The following MLLT3 variants were observed in gnomAD, a reference collection of about 807,000 sequenced individuals.
The protein encoded by MLLT3 is MLLT3 super elongation complex subunit, also known as protein AF-9.
Under a neutral mutation model 53.2 loss-of-function variants are expected in MLLT3, and 4 were observed. The ratio of observed to expected loss-of-function variants is 0.08; its 90% CI spans 0.04 to 0.17. MLLT3 has a LOEUF of 0.17. Among genes scored for constraint, MLLT3 ranks in the 10% least tolerant of loss-of-function variants. The pLI, the probability that MLLT3 is intolerant of heterozygous loss-of-function variation, is 1.00. For missense variants in MLLT3, 569 were observed against 684.0 expected (o/e 0.83, Z 1.87); for synonymous variants, 283 against 230.6 (o/e 1.23, Z -2.06).
intron 2 of MLLT3, among the ~76,000 whole-genome samples, chr9:20,553,246 A>T (rs1460287328): frequency 1.3e-5 from 2 of 152,222 alleles, no homozygotes; most frequent in African/African-American, 4.8e-5. Context: ...ACTGTAGAAA[A>T]CAGTTTCACA....
chr9:20,566,298 A>C (rs888808237), intron 2 of MLLT3, among the ~76,000 whole-genome samples: 2 of 151,514 alleles, frequency 1.3e-5, no homozygotes, highest in African/African-American at 4.9e-5. Context: ...GTGAGACTCC[A>C]TCTCAAAAAA....
intron 2 of MLLT3, among the ~76,000 whole-genome samples, chr9:20,522,306 T>A (rs1337542774): frequency 2.0e-5 from 3 of 151,650 alleles, no homozygotes; most frequent in African/African-American, 7.3e-5. Context: ...AAAAGAATTT[T>A]AAAAATTAAA....
rs1192754939 is a variant in MLLT3, at chr9:20,464,099, C to A, written c.194-7313G>T. ...CAGAAAAAACAAACCTTGGGACAGC[C>A]CTCTGGCATCAAAATTTTACCCAGG... is the stretch of plus-strand genomic sequence containing the variant. On this transcript the variant is annotated intron_variant, in intron 2 of 10. Transcript: ENST00000380338. Among the ~76,000 whole-genome samples the A allele has an allele frequency of 4.0e-5, 6 of 151,810 alleles. No homozygotes were observed. In the East Asian group the frequency reaches 1.2e-3, roughly 29 times the overall value.
At chr9:20,452,464 G>A (rs969934009) in intron 3 of MLLT3, among the ~76,000 whole-genome samples, 4 of 152,164 alleles carry the variant, frequency 2.6e-5, no homozygotes, top group Admixed American at 6.5e-5. Context: ...CAGCCATGCA[G>A]AACTGTGAGT....
intron 2 of MLLT3, among the ~76,000 whole-genome samples, chr9:20,551,257 T>C (rs1818919489): frequency 6.6e-6 from 1 of 152,358 alleles, no homozygotes; most frequent in Middle Eastern, 3.4e-3. Flanking sequence ...CCTGGTTTAA[T>C]TTCTCAAGTA....
intron 5 of MLLT3, among the ~76,000 whole-genome samples, chr9:20,369,782 GTTATATGAAGATCT>G (rs1427440367): frequency 6.6e-6 from 1 of 152,108 alleles, no homozygotes; most frequent in Non-Finnish European, 1.5e-5. Flanking sequence ...CATCAACAGG[GTTATATGAAGATCT>G]TTATATGAAG....
intron 2 of MLLT3, among the ~76,000 whole-genome samples, chr9:20,465,926 T>C (rs1353062200): frequency 2.6e-5 from 4 of 152,122 alleles, no homozygotes; most frequent in Non-Finnish European, 5.9e-5. Flanking sequence ...GCTGACAATC[T>C]TTCAATCTTC....
intron 2 of MLLT3, among the ~76,000 whole-genome samples, chr9:20,507,155 T>G (rs1563792284): frequency 6.6e-6 from 1 of 152,222 alleles, no homozygotes; most frequent in Non-Finnish European, 1.5e-5. Context: ...AACATCACTT[T>G]AGCAGTTAAT....
intron 4 of MLLT3, among the ~76,000 whole-genome samples, chr9:20,435,236 G>A (rs1253355603): frequency 6.6e-6 from 1 of 151,976 alleles, no homozygotes; most frequent in Non-Finnish European, 1.5e-5. Context: ...TAGAGACAGG[G>A]TCTCAGTATG....
At chr9:20,535,240 C>A (rs1293886001) in intron 2 of MLLT3, among the ~76,000 whole-genome samples, 1 of 152,192 alleles carries the variant, frequency 6.6e-6, no homozygotes. Context: ...TGGTTGTGCA[C>A]TCCTTATAAG....
intron 2 of MLLT3, among the ~76,000 whole-genome samples, chr9:20,509,099 G>A (rs529857937): frequency 6.6e-6 from 1 of 152,134 alleles, no homozygotes; most frequent in Non-Finnish European, 1.5e-5. Context: ...TGCATATGAT[G>A]TATGTACAAT....
At position 20,510,591 on chromosome 9, in the gene MLLT3, G is replaced by A. The variant is rs557286331; in HGVS notation, c.194-53805C>T. Among the ~76,000 whole-genome samples the A allele has an allele frequency of 2.6e-3, 347 of 132,702 alleles. 1 individual carries two copies. Among genetic ancestry groups the A allele is most frequent in the Non-Finnish European group, 3.5e-3 (227 of 64,860 alleles). The allele number at this position is 132,702 out of a possible 152,430, so 87.1% of individuals were successfully genotyped here. A position where few individuals can be genotyped will look rare whatever the true frequency, so the allele number is the denominator to read the frequency against. ...CATATGACTGCACTCCAGCCTGGGC[G>A]ACAGATCAAGACTCCATCTCAGAAA... On this transcript the variant is annotated intron_variant, in intron 2 of 10. Coordinates refer to ENST00000380338, the MANE Select transcript of MLLT3 (RefSeq NM_004529.4).
chr9:20,514,666 G>A (rs867401289), intron 2 of MLLT3, among the ~76,000 whole-genome samples: 2 of 152,066 alleles, frequency 1.3e-5, no homozygotes, highest in African/African-American at 2.4e-5. Flanking sequence ...ATGGCAGCAA[G>A]ATCACAAATG....
rs915939443 is a variant in MLLT3 at position 20,566,165 on chromosome 9, A to T, written c.193+54489T>A. Among the ~76,000 whole-genome samples the T allele has an allele frequency of 3.3e-5, 5 of 149,886 alleles. No homozygotes were observed. The East Asian group carries it at 9.7e-4, about 29-fold the overall frequency. On this transcript the variant is annotated intron_variant, in intron 2 of 10. Coordinates refer to ENST00000380338, the MANE Select transcript of MLLT3 (RefSeq NM_004529.4). ...TTTTTAAACACTTTTTGGGCTGAGCATAGTGGCTCATGCCTGTAATCCCAG... is the reference window on the plus strand; with the variant it reads ...TTTTTAAACACTTTTTGGGCTGAGCTTAGTGGCTCATGCCTGTAATCCCAG...
chr9:20,361,838 A>G (rs1821331184), intron 7 of MLLT3, among the ~76,000 whole-genome samples: 1 of 152,170 alleles, frequency 6.6e-6, no homozygotes, highest in African/African-American at 2.4e-5. Context: ...CTTCTCAGAA[A>G]CAGAAACTGT....
At chr9:20,397,164 A>T (rs1226063081) in intron 5 of MLLT3, among the ~76,000 whole-genome samples, 2 of 152,168 alleles carry the variant, frequency 1.3e-5, no homozygotes, top group Admixed American at 6.6e-5. Context: ...CTAGAGTCTG[A>T]TAATTTTTTC....
At chr9:20,372,342 T>G (rs111895185) in intron 5 of MLLT3, among the ~76,000 whole-genome samples, 4 of 152,156 alleles carry the variant, frequency 2.6e-5, no homozygotes, top group Non-Finnish European at 5.9e-5. Flanking sequence ...ATGCTACAGA[T>G]AAATCTTTTG....
chr9:20,553,048 T>C (rs1183988739), intron 2 of MLLT3, among the ~76,000 whole-genome samples: 1 of 152,192 alleles, frequency 6.6e-6, no homozygotes, highest in Non-Finnish European at 1.5e-5. Flanking sequence ...ACAGAACATA[T>C]GAGAATCTGA....
At chr9:20,499,967 C>T (rs907189957) in intron 2 of MLLT3, among the ~76,000 whole-genome samples, 2 of 152,204 alleles carry the variant, frequency 1.3e-5, no homozygotes, top group Admixed American at 1.3e-4. Flanking sequence ...AGAGATGCCT[C>T]TTATTCCATC....
Sources: allele counts gnomAD v4.1 joint callset (sites outside exome capture counted in the v4.1 genomes callset), GRCh38; gene constraint gnomAD v4.1.1; transcripts MANE v1.5; gene names NCBI Gene and HGNC (gene_info 2026-07-23, HGNC 2026-07-21).